TANC2: variants seen among roughly 807,000 people sequenced by gnomAD.
The protein encoded by TANC2 is protein TANC2.
TANC2 carries 26 observed loss-of-function variants against 210.5 expected under a neutral mutation model. The observed-to-expected ratio is 0.12, with a 90% CI of 0.09 to 0.17. TANC2 has a LOEUF of 0.17. Ranked by LOEUF, TANC2 falls within the 10% of genes least tolerant of loss-of-function variation. The probability of loss-of-function intolerance (pLI) is 1.00; values close to 1 mark genes in which losing one functional copy is unlikely to be tolerated. For missense variants in TANC2, 2,129 were observed against 2,608.9 expected, an observed-to-expected ratio of 0.82 and a Z score of 4.01; for synonymous variants, 931 against 967.1, an observed-to-expected ratio of 0.96 and a Z score of 0.69.
intron 6 of TANC2, among the ~76,000 whole-genome samples, chr17:63,198,471 C>T (rs2041419614): frequency 6.6e-6 from 1 of 152,210 alleles, no homozygotes; most frequent in Admixed American, 6.5e-5. Context: ...GCTGGGATTA[C>T]AGACATAGGC....
chr17:63,294,480 A>G (rs560696180), intron 9 of TANC2, among the ~76,000 whole-genome samples: 1 of 152,260 alleles, frequency 6.6e-6, no homozygotes, highest in East Asian at 1.9e-4. Flanking sequence ...CCTGTCTTGA[A>G]AAAAAAACAA....
intron 1 of TANC2, among the ~76,000 whole-genome samples, chr17:63,001,669 C>T (rs1291781426): frequency 6.6e-6 from 1 of 151,856 alleles, no homozygotes; most frequent in Non-Finnish European, 1.5e-5. Context: ...TTCAGACTCC[C>T]AAGTAGCTGG....
chr17:63,389,497 G>A, exon 17 of TANC2: 3 of 1,613,080 alleles, frequency 1.9e-6, no homozygotes, highest in Non-Finnish European at 2.5e-6. Context: ...TGCTGCAGCA[G>A]CAGGGTACCT....
At chr17:63,394,654 A>G (rs982616737) in intron 17 of TANC2, among the ~76,000 whole-genome samples, 17 of 152,258 alleles carry the variant, frequency 1.1e-4, no homozygotes, top group Non-Finnish European at 1.8e-4. Flanking sequence ...AAAAAGTAGA[A>G]TACATTAATC....
chr17:62,998,762 A>G (rs1360340286), intron 1 of TANC2, among the ~76,000 whole-genome samples: 2 of 152,222 alleles, frequency 1.3e-5, no homozygotes, highest in African/African-American at 4.8e-5. Flanking sequence ...AGTGCTAAAT[A>G]TGGAAAAGAA....
chr17:63,427,097 C>T (rs1012105363), exon 28 of TANC2: 8 of 152,228 alleles, frequency 5.3e-5, no homozygotes, highest in African/African-American at 1.7e-4. Flanking sequence ...TTTCCTTTGG[C>T]TGATTCCTGC....
intron 4 of TANC2, among the ~76,000 whole-genome samples, chr17:63,113,456 A>T (rs2038131242): frequency 6.6e-6 from 1 of 152,164 alleles, no homozygotes; most frequent in African/African-American, 2.4e-5. Flanking sequence ...TCCGTCAGTC[A>T]TTCATGTCGT....
chr17:63,420,483 A>G lies in TANC2; in HGVS notation c.4753A>G (p.Ser1585Gly). 6.2e-7 allele frequency: 1 copy of G among 1,613,978 alleles called. No individual in the cohort carries two copies. The highest frequency in any genetic ancestry group is 8.5e-7 in the Non-Finnish European group (1 of 1,179,886). Residue 1585 changes from serine to glycine, a missense_variant, in exon 28 of 28, where the codon AGC (serine) becomes GGC (glycine). Transcript: ENST00000689528. This position sits in a 1 kb window ranked among gnomAD's most constrained non-coding sequence, Gnocchi z 4.2. ...TCATCAGAACTCACATTACAGGCCTAGCCCACCACACACTTCCCCGGCTCA... is the reference window on the plus strand; with the variant it reads ...TCATCAGAACTCACATTACAGGCCTGGCCCACCACACACTTCCCCGGCTCA...
At chr17:63,087,335 C>CATA (rs1242358137) in intron 3 of TANC2, among the ~76,000 whole-genome samples, 3 of 152,188 alleles carry the variant, frequency 2.0e-5, no homozygotes, top group Non-Finnish European at 4.4e-5. Context: ...GAAAAGGAAG[C>CATA]ATCTAAGTAC....
At chr17:63,379,861 C>T (rs779165517) in intron 15 of TANC2, 35 bp downstream of exon 15, 12 of 1,529,584 alleles carry the variant, frequency 7.8e-6, no homozygotes, top group South Asian at 1.1e-5. Flanking sequence ...TTTCCGCCAT[C>T]TCTAGCAGAC....
chr17:63,387,640 C>T (rs1304670705), intron 15 of TANC2, among the ~76,000 whole-genome samples: 2 of 152,198 alleles, frequency 1.3e-5, no homozygotes, highest in African/African-American at 4.8e-5. Flanking sequence ...TATCTTCCTG[C>T]CCTCAGGATT....
chr17:62,996,131 T>C (rs1270782811), intron 1 of TANC2, among the ~76,000 whole-genome samples: 6 of 152,344 alleles, frequency 3.9e-5, no homozygotes, highest in African/African-American at 1.4e-4. Flanking sequence ...TATAACTTTT[T>C]TTGAAACAGA....
At chr17:63,110,928 C>A (rs1451143667) in intron 4 of TANC2, among the ~76,000 whole-genome samples, 1 of 152,124 alleles carries the variant, frequency 6.6e-6, no homozygotes, top group African/African-American at 2.4e-5. Flanking sequence ...ACTGTATGAC[C>A]TTGGCCGTGT....
chr17:62,970,482 C>T (rs1280833907), intron 1 of TANC2, among the ~76,000 whole-genome samples: 1 of 152,054 alleles, frequency 6.6e-6, no homozygotes, highest in African/African-American at 2.4e-5. Flanking sequence ...CACGCTAGCT[C>T]TGTTTTTTCT....
chr17:63,062,077 A>AT lies in TANC2; in HGVS notation c.68-11858dup, dbSNP rs943565590. On this transcript the variant is annotated intron_variant, in intron 2 of 27. Transcript: ENST00000689528. ...TTTTGAATTGTATATTACAGCTTTA[A>AT]TTTTTTTTAATAAGCCTTTTTGGTG... Among the ~76,000 whole-genome samples the AT allele has an allele frequency of 1.3e-4, 20 of 151,870 alleles. No homozygotes were observed. In the East Asian group the frequency reaches 2.3e-3, roughly 18 times the overall value.
At chr17:63,267,703 T>G (rs1388490927) in intron 8 of TANC2, 45 bp from the exon 9 acceptor site, 12 of 1,593,042 alleles carry the variant, frequency 7.5e-6, no homozygotes, top group Non-Finnish European at 1.0e-5. Context: ...CTGAAAGACA[T>G]TTTCTGAACT....
chr17:63,331,982 ATTTAC>A (rs1295546228), intron 11 of TANC2: 1 of 288,992 alleles, frequency 3.5e-6, no homozygotes, highest in Non-Finnish European at 6.8e-6. Flanking sequence ...AAAACTACAT[ATTTAC>A]TTCTTCAAGA....
chr17:63,145,777 C>T (rs936415075), intron 4 of TANC2, among the ~76,000 whole-genome samples: 3 of 152,044 alleles, frequency 2.0e-5, no homozygotes, highest in Admixed American at 1.3e-4. Flanking sequence ...TATGCCAGTA[C>T]CATACTGTTT....
At chr17:63,201,335 G>A (rs1308276718) in intron 7 of TANC2, among the ~76,000 whole-genome samples, 3 of 152,156 alleles carry the variant, frequency 2.0e-5, no homozygotes, top group East Asian at 3.8e-4. Flanking sequence ...ATTAAGTGGC[G>A]AAAGAGTTAT....
Sources: gnomAD v4.1 joint callset for allele counts (sites outside exome capture counted in the v4.1 genomes callset) on GRCh38, gnomAD v4.1.1 for gene constraint, Gnocchi (gnomAD v3.1) non-coding constraint, MANE v1.5 for transcripts, NCBI Gene and HGNC (gene_info 2026-07-23, HGNC 2026-07-21) for gene names.